Variants in ADAMTS2 observed in about 807,000 individuals in gnomAD.
The protein encoded by ADAMTS2 is ADAM metallopeptidase with thrombospondin type 1 motif 2.
In ADAMTS2, 50 loss-of-function variants were observed where a neutral mutation model predicts 123.0. The observed-to-expected ratio is 0.41, with a 90% confidence interval of 0.32 to 0.51. The LOEUF is 0.51. Ranked by LOEUF, ADAMTS2 falls within the 20% of genes least tolerant of loss-of-function variation. ADAMTS2 has a pLI of 0.35. For synonymous variants in ADAMTS2, 678 were observed against 695.4 expected (o/e 0.98, Z 0.39); for missense variants, 1,494 against 1,705.2 (o/e 0.88, Z 2.18).
chr5:179,241,355 T>C (rs550217036), intron 3 of ADAMTS2, among the ~76,000 whole-genome samples: 47 of 152,318 alleles, frequency 3.1e-4, no homozygotes, highest in Middle Eastern at 3.4e-3. Context: ...AGCCAGCCTC[T>C]GTGAGGCACA....
At position 179,275,870 on chromosome 5, in the gene ADAMTS2, G is replaced by A. The variant is rs554180003; in HGVS notation, c.535-2806C>T. On this transcript the variant is annotated intron_variant, in intron 2 of 21. Transcript: ENST00000251582. Reference sequence around the variant, plus strand: ...GAAAAGTAATTCAGGGTCCTGGTGGGTGGCCGGCAAAGTGGGTGCCATTCT... The same window carrying A: ...GAAAAGTAATTCAGGGTCCTGGTGGATGGCCGGCAAAGTGGGTGCCATTCT... Among the ~76,000 whole-genome samples, 6 of 152,346 alleles carry A rather than the reference G, an allele frequency of 3.9e-5. No individual in the cohort carries two copies. In the South Asian group the frequency reaches 1.2e-3, roughly 32 times the overall value.
At chr5:179,165,633 C>G (rs1339848405) in intron 5 of ADAMTS2, among the ~76,000 whole-genome samples, 2 of 152,174 alleles carry the variant, frequency 1.3e-5, no homozygotes, top group African/African-American at 2.4e-5. Context: ...GCCGCGGGCA[C>G]CCAGCCTCCA....
At chr5:179,320,811 T>C (rs1757147177) in intron 2 of ADAMTS2, among the ~76,000 whole-genome samples, 1 of 152,200 alleles carries the variant, frequency 6.6e-6, no homozygotes, top group East Asian at 1.9e-4. Flanking sequence ...CCAGGAACTA[T>C]TGCTGGAATT....
chr5:179,132,299 T>A lies in ADAMTS2; in HGVS notation c.2221A>T (p.Met741Leu). The A allele has an allele frequency of 6.2e-7, 1 of 1,614,006 alleles. No individual in the cohort carries two copies. The highest frequency in any genetic ancestry group is 8.5e-7 in the Non-Finnish European group (1 of 1,179,986). Residue 741 changes from methionine to leucine, a missense_variant, in exon 15 of 22, where the codon ATG becomes TTG. Met to Leu is a conservative substitution (Grantham distance 15, BLOSUM62 2). Transcript: ENST00000251582. This position sits in a 1 kb window ranked among gnomAD's most constrained non-coding sequence, Gnocchi z 6.1. The part of the protein sequence containing the change: ...RSPKKHGYIK[M>L]FEIPAGARHL... ...CTGGCTCCTGCAGGGATCTCAAACA[T>A]CTTGATGTAACCTTTTTTTGATGTG...
chr5:179,125,522 CT>C (rs1349751741), intron 18 of ADAMTS2, among the ~76,000 whole-genome samples: 1 of 152,164 alleles, frequency 6.6e-6, no homozygotes, highest in Non-Finnish European at 1.5e-5. Flanking sequence ...GCCTCACCTT[CT>C]GCTGACGTCA....
intron 3 of ADAMTS2, among the ~76,000 whole-genome samples, chr5:179,217,779 A>T (rs463724): frequency 0.22 from 20,487 of 92,016 alleles, 2,222 homozygotes; most frequent in African/African-American, 0.31. Flanking sequence ...GGGCACACTC[A>T]CTAGGGGATG....
At chr5:179,240,980 G>C (rs770908837) in intron 3 of ADAMTS2, among the ~76,000 whole-genome samples, 1 of 152,178 alleles carries the variant, frequency 6.6e-6, no homozygotes, top group Non-Finnish European at 1.5e-5. Context: ...AGGGATTTCC[G>C]GTCTTGTGAA....
intron 10 of ADAMTS2, among the ~76,000 whole-genome samples, chr5:179,142,397 C>T (rs973051169): frequency 2.0e-5 from 3 of 152,180 alleles, no homozygotes; most frequent in Non-Finnish European, 4.4e-5. Flanking sequence ...ACAAAGACAG[C>T]TAAGAGCCCT....
chr5:179,250,389 G>A (rs1289046145), intron 3 of ADAMTS2, among the ~76,000 whole-genome samples: 3 of 152,208 alleles, frequency 2.0e-5, no homozygotes, highest in Admixed American at 6.5e-5. Flanking sequence ...GGGAAAATGG[G>A]GAATGATGGC....
rs543185148 is a variant in ADAMTS2 at position 179,156,156 on chromosome 5, C to A, written c.1133-1237G>T. Among the ~76,000 whole-genome samples, 31 of 152,196 alleles carry A rather than the reference C, an allele frequency of 2.0e-4. 1 individual carries two copies. In the South Asian group the frequency reaches 6.0e-3, roughly 30 times the overall value. The stretch of plus-strand genomic sequence containing the variant: ...TCCTACTCAGCATTACAGGAGCCTG[C>A]GAGATCTGAAAGCGCATCTTTATGT... On this transcript the variant is annotated intron_variant, in intron 6 of 21. Transcript: ENST00000251582.
intron 4 of ADAMTS2, among the ~76,000 whole-genome samples, chr5:179,184,776 C>G (rs1764132204): frequency 6.6e-6 from 1 of 152,210 alleles, no homozygotes; most frequent in African/African-American, 2.4e-5. Context: ...GCAGACCCAG[C>G]AGAACCACTG....
chr5:179,243,408 G>A (rs948967068), intron 3 of ADAMTS2, among the ~76,000 whole-genome samples: 2 of 152,168 alleles, frequency 1.3e-5, no homozygotes, highest in Non-Finnish European at 2.9e-5. Flanking sequence ...GTCATAGGGA[G>A]CCCTGCTGAA....
intron 2 of ADAMTS2, among the ~76,000 whole-genome samples, chr5:179,323,349 C>T (rs1465390220): frequency 3.9e-5 from 6 of 152,236 alleles, no homozygotes; most frequent in Admixed American, 3.9e-4. Context: ...CTGTAGGACT[C>T]CCAAGCTAAG....
chr5:179,301,213 C>G (rs977205409), intron 2 of ADAMTS2, among the ~76,000 whole-genome samples: 6 of 151,702 alleles, frequency 4.0e-5, no homozygotes, highest in Non-Finnish European at 8.8e-5. Context: ...TGGCTGTCAT[C>G]CCTGAACATC....
At chr5:179,173,969 C>T (rs1427637781) in intron 5 of ADAMTS2, among the ~76,000 whole-genome samples, 4 of 148,574 alleles carry the variant, frequency 2.7e-5, no homozygotes, top group South Asian at 2.1e-4. Context: ...GCTGAGGTCG[C>T]GCCACTGCAC....
At chr5:179,126,821 G>A (rs540947705) in intron 17 of ADAMTS2, among the ~76,000 whole-genome samples, 1 of 152,290 alleles carries the variant, frequency 6.6e-6, no homozygotes, top group South Asian at 2.1e-4. Context: ...AGCAGAGGCT[G>A]GGGAGGCTGA....
intron 3 of ADAMTS2, among the ~76,000 whole-genome samples, chr5:179,257,102 G>A (rs1383023435): frequency 6.6e-6 from 1 of 152,164 alleles, no homozygotes; most frequent in African/African-American, 2.4e-5. Flanking sequence ...TGTCACCAAG[G>A]GCCCACATTG....
chr5:179,281,036 C>G (rs2450193), intron 2 of ADAMTS2, among the ~76,000 whole-genome samples: 79 of 152,158 alleles, frequency 5.2e-4, no homozygotes, highest in African/African-American at 1.9e-3. Context: ...TTTTGTATTT[C>G]TAGTAGAGAT....
chr5:179,322,985 C>T (rs1482596319), intron 2 of ADAMTS2, among the ~76,000 whole-genome samples: 1 of 152,240 alleles, frequency 6.6e-6, no homozygotes, highest in Non-Finnish European at 1.5e-5. Flanking sequence ...TGGATCCTGC[C>T]TGCAGACAGG....
Sources: allele counts gnomAD v4.1 joint callset (sites outside exome capture counted in the v4.1 genomes callset), GRCh38; gene constraint gnomAD v4.1.1; non-coding constraint Gnocchi (gnomAD v3.1); transcripts MANE v1.5; gene names NCBI Gene and HGNC (gene_info 2026-07-23, HGNC 2026-07-21).